Variants in TEX11 observed in about 807,000 individuals in gnomAD.
The protein encoded by TEX11 is testis expressed 11, also known as testis-expressed protein 11.
In TEX11, 7 loss-of-function variants were observed where a neutral mutation model predicts 84.4. The ratio of observed to expected loss-of-function variants is 0.08; its 90% CI spans 0.05 to 0.16. The LOEUF is 0.16. TEX11 is among the 10% of genes least tolerant of loss of function. TEX11 has a pLI of 1.00. For synonymous variants in TEX11, 264 were observed against 222.8 expected (o/e 1.18, Z -1.64); for missense variants, 551 against 660.5 (o/e 0.83, Z 1.82).
chrX:70,557,705 T>C (rs972380216), intron 25 of TEX11, among the ~76,000 whole-genome samples: 4 of 111,860 alleles, frequency 3.6e-5, no homozygotes, highest in Admixed American at 9.5e-5. Context: ...ACAATCCCTA[T>C]CAGCATCCCA....
intron 11 of TEX11, among the ~76,000 whole-genome samples, chrX:70,739,658 C>G (rs1261795854): frequency 9.0e-6 from 1 of 111,427 alleles, no homozygotes; most frequent in Non-Finnish European, 1.9e-5. Flanking sequence ...GATCTGCCTG[C>G]CTCAGCCTCC....
chrX:70,546,607 G>A (rs1159377812), intron 28 of TEX11, among the ~76,000 whole-genome samples: 3 of 110,576 alleles, frequency 2.7e-5, no homozygotes, highest in African/African-American at 6.6e-5. Flanking sequence ...CACAATACAC[G>A]AACAGTCAAT....
At chrX:70,722,899 T>C (rs1318814927) in intron 12 of TEX11, among the ~76,000 whole-genome samples, 1 of 111,941 alleles carries the variant, frequency 8.9e-6, no homozygotes, top group Non-Finnish European at 1.9e-5. Context: ...CTTGCACAGA[T>C]AGCAAAGTAA....
At chrX:70,601,420 G>A (rs369261183) in intron 24 of TEX11, among the ~76,000 whole-genome samples, 9 of 94,039 alleles carry the variant, frequency 9.6e-5, no homozygotes, top group South Asian at 5.7e-4. Context: ...TGGATTCACA[G>A]CCGAATTCTA....
At chrX:70,618,883 C>T (rs999822844) in intron 20 of TEX11, among the ~76,000 whole-genome samples, 1 of 111,323 alleles carries the variant, frequency 9.0e-6, no homozygotes, top group Non-Finnish European at 1.9e-5. Flanking sequence ...GCAATTGAAA[C>T]ATTGGTTGTC....
intron 9 of TEX11, among the ~76,000 whole-genome samples, chrX:70,792,884 A>G (rs1199322043): frequency 1.8e-5 from 2 of 111,274 alleles, no homozygotes; most frequent in African/African-American, 6.5e-5. Context: ...TCTGGCAGGA[A>G]CAACAAAAAA....
intron 8 of TEX11, among the ~76,000 whole-genome samples, chrX:70,822,042 A>G (rs2091320570): frequency 9.0e-6 from 1 of 111,330 alleles, no homozygotes; most frequent in South Asian, 3.8e-4. Flanking sequence ...ACATCCTCCT[A>G]TATACTTTAC....
chrX:70,579,428 C>T (rs1213562830), intron 25 of TEX11, among the ~76,000 whole-genome samples: 1 of 106,595 alleles, frequency 9.4e-6, no homozygotes, highest in Non-Finnish European at 1.9e-5. Context: ...ACCCAGGAGG[C>T]GGAGCTTACA....
chrX:70,744,239 A>AT lies in TEX11; in HGVS notation c.693-21_693-20insA, dbSNP rs753720165. 57 of 660,255 alleles carry AT rather than the reference A, an allele frequency of 8.6e-5. No individual in the cohort carries two copies. The highest frequency in any genetic ancestry group is 7.3e-4 in the South Asian group (12 of 16,433). 54.4% of individuals were successfully genotyped at this position (660,255 alleles called of 1,213,427 possible). On this transcript the variant is annotated intron_variant, in intron 9 of 29. Transcript: ENST00000374333. ...CTTTGGCTATCATTAAAAAGGAAAA[A>AT]AAATATATATATATATATAAACATA...
rs1224644533 is a variant in TEX11 at position 70,873,296 on chromosome X, C to T, written c.171G>A (p.Met57Ile). 2.5e-6 allele frequency: 3 copies of T among 1,189,243 alleles called. No individual in the cohort carries two copies. The highest frequency in any genetic ancestry group is 3.5e-5 in the African/African-American group (2 of 57,472). Residue 57 changes from methionine to isoleucine, a missense_variant, in exon 4 of 30, where the codon ATG becomes ATA. Transcript: ENST00000374333. ...GTGCCCAGTTCCATAGGTTTACTGC[C>T]ATTTCTTCAATCTGGTCAAAGAGAA... ...AEITDIQIEE[M>I]AVNLWNWALT... is the part of the protein sequence containing the mutation.
At chrX:70,727,997 A>T (rs2147726669) in intron 11 of TEX11, among the ~76,000 whole-genome samples, 1 of 112,842 alleles carries the variant, frequency 8.9e-6, no homozygotes, top group South Asian at 3.7e-4. Context: ...TTTGAACTTC[A>T]CTTAAACAGA....
intron 11 of TEX11, among the ~76,000 whole-genome samples, chrX:70,737,412 A>C (rs1602084673): frequency 9.0e-6 from 1 of 111,242 alleles, no homozygotes; most frequent in South Asian, 3.7e-4. Flanking sequence ...GAAAGCAGAA[A>C]AAAAATTTGA....
At chrX:70,711,410 G>A (rs2090432070) in intron 13 of TEX11, among the ~76,000 whole-genome samples, 1 of 109,802 alleles carries the variant, frequency 9.1e-6, no homozygotes, top group Admixed American at 9.7e-5. Flanking sequence ...CACCAACAGT[G>A]TAAAAGTGTT....
intron 7 of TEX11, among the ~76,000 whole-genome samples, chrX:70,852,156 A>G (rs1569455386): frequency 8.9e-6 from 1 of 112,114 alleles, no homozygotes; most frequent in Non-Finnish European, 1.9e-5. Flanking sequence ...AATATGTCAA[A>G]AAATAAAAAA....
chrX:70,660,386 A>G (rs1029702611), intron 16 of TEX11, among the ~76,000 whole-genome samples: 3 of 112,891 alleles, frequency 2.7e-5, no homozygotes, highest in African/African-American at 9.6e-5. Context: ...TTGTAATAAC[A>G]CCGAGCTTAA....
intron 25 of TEX11, among the ~76,000 whole-genome samples, chrX:70,572,744 C>T (rs1402433216): frequency 1.9e-5 from 2 of 105,855 alleles, no homozygotes; most frequent in East Asian, 3.0e-4. Context: ...AGCAAACTAT[C>T]GCAAGGACAA....
At chrX:70,723,598 G>A (rs1199644879) in intron 12 of TEX11, among the ~76,000 whole-genome samples, 1 of 111,664 alleles carries the variant, frequency 9.0e-6, no homozygotes, top group Non-Finnish European at 1.9e-5. Flanking sequence ...CATATTATCT[G>A]TACCAGGCAT....
intron 9 of TEX11, among the ~76,000 whole-genome samples, chrX:70,795,190 G>A (rs923720647): frequency 4.6e-5 from 5 of 109,373 alleles, no homozygotes; most frequent in African/African-American, 1.7e-4. Context: ...AGTGGAGCCT[G>A]GCAGTACTCC....
intron 28 of TEX11, among the ~76,000 whole-genome samples, chrX:70,534,040 C>T (rs1471175475): frequency 6.4e-5 from 6 of 94,370 alleles, no homozygotes; most frequent in Non-Finnish European, 8.2e-5. Flanking sequence ...TGCAGTGAGC[C>T]GAGATTGCAC....
Sources: allele counts gnomAD v4.1 joint callset (sites outside exome capture counted in the v4.1 genomes callset), GRCh38; gene constraint gnomAD v4.1.1; transcripts MANE v1.5; gene names NCBI Gene and HGNC (gene_info 2026-07-23, HGNC 2026-07-21).